KCNMB2: variants seen among roughly 807,000 people sequenced by gnomAD.
The protein encoded by KCNMB2 is potassium calcium-activated channel subfamily M regulatory beta subunit 2.
In KCNMB2, 9 loss-of-function variants were observed where a neutral mutation model predicts 24.5. That is an observed-to-expected ratio of 0.37 (90% CI 0.22 to 0.64). The LOEUF (loss-of-function observed/expected upper bound fraction) is 0.64, where lower values mean the gene tolerates loss of function less well. Among genes scored for constraint, KCNMB2 ranks in the 30% least tolerant of loss-of-function variants. KCNMB2 has a pLI of 0.63. For missense variants in KCNMB2, 226 were observed against 284.3 expected (o/e 0.79, Z 1.47); for synonymous variants, 109 against 104.4 (o/e 1.04, Z -0.27).
At chr3:178,756,815 T>A (rs1473565833) in intron 1 of KCNMB2, among the ~76,000 whole-genome samples, 1 of 152,092 alleles carries the variant, frequency 6.6e-6, no homozygotes, top group African/African-American at 2.4e-5. Flanking sequence ...GGGCTTAGAG[T>A]TAACAGCATT....
At chr3:178,597,521 T>C (rs16829811) in intron 1 of KCNMB2, among the ~76,000 whole-genome samples, 2,834 of 152,210 alleles carry the variant, frequency 0.019, 92 homozygotes, top group African/African-American at 0.065. Context: ...GCTAGGCCCA[T>C]TGAATAATCA....
chr3:178,601,868 G>A (rs1420345087), intron 1 of KCNMB2, among the ~76,000 whole-genome samples: 3 of 152,186 alleles, frequency 2.0e-5, no homozygotes, highest in African/African-American at 7.2e-5. Flanking sequence ...GGCAACAGAA[G>A]AAAAGCCATT....
chr3:178,583,082 TG>T (rs1470967284), intron 1 of KCNMB2, among the ~76,000 whole-genome samples: 1 of 152,190 alleles, frequency 6.6e-6, no homozygotes, highest in African/African-American at 2.4e-5. Context: ...AGAAATAATG[TG>T]CTTTGAGTTC....
intron 1 of KCNMB2, chr3:178,729,149 A>G (rs1183203032): frequency 6.6e-6 from 1 of 152,210 alleles, no homozygotes; most frequent in Non-Finnish European, 1.5e-5. Context: ...TTAACCAAGA[A>G]GAGACAAGGA....
chr3:178,657,213 T>A (rs1387358850), intron 1 of KCNMB2, among the ~76,000 whole-genome samples: 2 of 152,092 alleles, frequency 1.3e-5, no homozygotes, highest in African/African-American at 2.4e-5. Context: ...ACAAAAGAGG[T>A]CCTGCACCAC....
At chr3:178,703,535 T>C (rs913932629) in intron 1 of KCNMB2, among the ~76,000 whole-genome samples, 1 of 152,100 alleles carries the variant, frequency 6.6e-6, no homozygotes, top group Non-Finnish European at 1.5e-5. Context: ...TAGCTGTTCG[T>C]GTTCATTATT....
chr3:178,709,237 T>C (rs1252449746), intron 1 of KCNMB2, among the ~76,000 whole-genome samples: 3 of 152,172 alleles, frequency 2.0e-5, no homozygotes, highest in Admixed American at 6.6e-5. Flanking sequence ...CTGCTATGTG[T>C]ATTGGAATAT....
chr3:178,840,263 CAG>C (rs1715379251), intron 4 of KCNMB2, among the ~76,000 whole-genome samples: 1 of 152,220 alleles, frequency 6.6e-6, no homozygotes, highest in Admixed American at 6.5e-5. Flanking sequence ...AGGCCTTGGG[CAG>C]CTTCACCCTG....
At chr3:178,785,357 T>C (rs1577186707) in intron 1 of KCNMB2, among the ~76,000 whole-genome samples, 1 of 151,974 alleles carries the variant, frequency 6.6e-6, no homozygotes, top group South Asian at 2.1e-4. Context: ...ATATTCTATA[T>C]CCTATAAATT....
chr3:178,641,349 A>AT (rs1465455866), intron 1 of KCNMB2, among the ~76,000 whole-genome samples: 4 of 152,062 alleles, frequency 2.6e-5, no homozygotes, highest in African/African-American at 9.7e-5. Flanking sequence ...ATTTATTTTG[A>AT]TTTTTTCAAA....
chr3:178,720,800 T>C (rs13072990), intron 1 of KCNMB2, among the ~76,000 whole-genome samples: 17,135 of 147,152 alleles, frequency 0.12, 1,023 homozygotes, highest in Non-Finnish European at 0.14. Context: ...TGTCTGTTCA[T>C]ATCCTTTGCC....
At chr3:178,659,547 T>G (rs1720454704) in intron 1 of KCNMB2, among the ~76,000 whole-genome samples, 1 of 152,170 alleles carries the variant, frequency 6.6e-6, no homozygotes, top group African/African-American at 2.4e-5. Context: ...GATAAAGAAA[T>G]AAAAACTTAG....
chr3:178,833,052 A>T lies in KCNMB2; in HGVS notation c.423+4679A>T, dbSNP rs1031833451. Among the ~76,000 whole-genome samples, 15 of 22,978 alleles carry T rather than the reference A, an allele frequency of 6.5e-4. 7 individuals are homozygous for T. The African/African-American group carries it at 0.019, about 29-fold the overall frequency. The allele number at this position is 22,978 out of a possible 152,430, so 15.1% of individuals were successfully genotyped here. On this transcript the variant is annotated intron_variant, in intron 4 of 4. Coordinates refer to ENST00000452583, the MANE Select transcript of KCNMB2 (RefSeq NM_181361.3). ...AATGTTACAATGTCATCTTTTCCAAAAATTATTTCCACTTACTTCTGCCAG... is the reference window on the plus strand; with the variant it reads ...AATGTTACAATGTCATCTTTTCCAATAATTATTTCCACTTACTTCTGCCAG...
At chr3:178,634,319 G>A (rs1719434307) in intron 1 of KCNMB2, among the ~76,000 whole-genome samples, 1 of 152,052 alleles carries the variant, frequency 6.6e-6, no homozygotes, top group South Asian at 2.1e-4. Context: ...TGCTAATAAG[G>A]AAATACCTGA....
intron 4 of KCNMB2, among the ~76,000 whole-genome samples, chr3:178,837,510 T>C (rs151294676): frequency 0.012 from 1,777 of 152,332 alleles, 23 homozygotes; most frequent in African/African-American, 0.041. Context: ...ACATGACTGA[T>C]TGACAAATAG....
intron 1 of KCNMB2, among the ~76,000 whole-genome samples, chr3:178,586,168 G>A (rs1191337747): frequency 6.6e-6 from 1 of 152,152 alleles, no homozygotes; most frequent in Non-Finnish European, 1.5e-5. Context: ...ATTTTGTGGA[G>A]GGAATTCAAG....
At chr3:178,690,055 T>G (rs971158003) in intron 1 of KCNMB2, among the ~76,000 whole-genome samples, 6 of 152,206 alleles carry the variant, frequency 3.9e-5, no homozygotes, top group African/African-American at 1.4e-4. Context: ...AATAAAAATC[T>G]GTGTTTTTAG....
intron 1 of KCNMB2, among the ~76,000 whole-genome samples, chr3:178,616,007 G>C (rs1056439769): frequency 5.3e-5 from 8 of 152,108 alleles, no homozygotes; most frequent in African/African-American, 1.9e-4. Flanking sequence ...TCTGACTGGT[G>C]CCTTATCTTG....
intron 1 of KCNMB2, among the ~76,000 whole-genome samples, chr3:178,641,095 T>C (rs996498483): frequency 6.6e-6 from 1 of 152,210 alleles, no homozygotes; most frequent in Non-Finnish European, 1.5e-5. Flanking sequence ...TCATGATTTC[T>C]TTAACTTTAC....
Sources: gnomAD v4.1 joint callset for allele counts (sites outside exome capture counted in the v4.1 genomes callset) on GRCh38, gnomAD v4.1.1 for gene constraint, MANE v1.5 for transcripts, NCBI Gene and HGNC (gene_info 2026-07-23, HGNC 2026-07-21) for gene names.